Variants in ARHGAP6 observed in about 807,000 individuals in gnomAD.
ARHGAP6 encodes the protein Rho GTPase activating protein 6.
In ARHGAP6, 16 loss-of-function variants were observed where a neutral mutation model predicts 55.7. That is an observed-to-expected ratio of 0.29 (90% CI 0.19 to 0.44). ARHGAP6 has a LOEUF of 0.44. ARHGAP6 is among the 20% of genes least tolerant of loss of function. The pLI, the probability that ARHGAP6 is intolerant of heterozygous loss-of-function variation, is 1.00. For missense variants in ARHGAP6, 698 were observed against 808.9 expected, an observed-to-expected ratio of 0.86 and a Z score of 1.66; for synonymous variants, 382 against 360.9, an observed-to-expected ratio of 1.06 and a Z score of -0.66.
intron 1 of ARHGAP6, among the ~76,000 whole-genome samples, chrX:11,343,396 T>C (rs1168259906): frequency 8.9e-6 from 1 of 112,426 alleles, no homozygotes; most frequent in Non-Finnish European, 1.9e-5. Context: ...CTGTCCTGAT[T>C]GTAACTATAG....
intron 1 of ARHGAP6, among the ~76,000 whole-genome samples, chrX:11,503,244 T>C: frequency 9.0e-6 from 1 of 111,361 alleles, no homozygotes; most frequent in Middle Eastern, 4.6e-3. Context: ...TAACCCCTCA[T>C]TGTTCAAGGA....
intron 1 of ARHGAP6, among the ~76,000 whole-genome samples, chrX:11,461,384 T>C (rs1009094178): frequency 9.0e-6 from 1 of 111,545 alleles, no homozygotes; most frequent in Non-Finnish European, 1.9e-5. Flanking sequence ...AGGGGCAAGA[T>C]CACACAGAGT....
chrX:11,290,914 G>A (rs777654066), intron 1 of ARHGAP6, among the ~76,000 whole-genome samples: 3 of 112,013 alleles, frequency 2.7e-5, no homozygotes, highest in African/African-American at 9.7e-5. Context: ...TTCAGTTCAC[G>A]CATACTTTTA....
chrX:11,603,133 G>A (rs1343620129), intron 1 of ARHGAP6, among the ~76,000 whole-genome samples: 1 of 111,707 alleles, frequency 9.0e-6, no homozygotes, highest in Non-Finnish European at 1.9e-5. Context: ...TTTCTGCCCT[G>A]GAAAGTAGCA....
At position 11,665,908 on chromosome X, in the gene ARHGAP6, G is replaced by C. The variant is rs767446181; in HGVS notation, c.-1080C>G. 4.5e-5 allele frequency among the ~76,000 whole-genome samples: 5 copies of C among 111,698 alleles called. No homozygotes were observed. Among genetic ancestry groups the C allele is most frequent in the African/African-American group, 1.6e-4 (5 of 30,723 alleles). ...GAAGGCAGCTCGCCACTGATACCGG[G>C]TCTCCTGGGGAGAAAGTCGTGAGGA... On this transcript the variant is annotated 5_prime_UTR_variant, in exon 1 of 13. Coordinates refer to ENST00000337414, the MANE Select transcript of ARHGAP6 (RefSeq NM_013427.3).
chrX:11,477,754 C>T (rs1431066889), intron 1 of ARHGAP6, among the ~76,000 whole-genome samples: 1 of 111,849 alleles, frequency 8.9e-6, no homozygotes, highest in Non-Finnish European at 1.9e-5. Flanking sequence ...CCAAAAAATA[C>T]ACATACAATA....
chrX:11,404,629 T>G (rs1170203812), intron 1 of ARHGAP6, among the ~76,000 whole-genome samples: 1 of 111,821 alleles, frequency 8.9e-6, no homozygotes, highest in Non-Finnish European at 1.9e-5. Context: ...GTTATAAATG[T>G]TTTTCTAATC....
intron 1 of ARHGAP6, among the ~76,000 whole-genome samples, chrX:11,640,761 TG>T (rs2052466152): frequency 9.0e-6 from 1 of 111,614 alleles, no homozygotes; most frequent in African/African-American, 3.2e-5. Flanking sequence ...CATTCTGTTC[TG>T]TCTACCTCCA....
At chrX:11,293,200 G>T (rs935971760) in intron 1 of ARHGAP6, among the ~76,000 whole-genome samples, 12 of 112,490 alleles carry the variant, frequency 1.1e-4, no homozygotes, top group Non-Finnish European at 2.1e-4. Flanking sequence ...ATAGCGTGAT[G>T]AAACTCTTTG....
chrX:11,532,250 G>T (rs2051057935), intron 1 of ARHGAP6, among the ~76,000 whole-genome samples: 1 of 112,606 alleles, frequency 8.9e-6, no homozygotes, highest in Non-Finnish European at 1.9e-5. Context: ...GTCTTAAAGT[G>T]GATATGTTCA....
intron 1 of ARHGAP6, among the ~76,000 whole-genome samples, chrX:11,354,693 T>G (rs1250339700): frequency 9.0e-6 from 1 of 111,136 alleles, no homozygotes; most frequent in African/African-American, 3.3e-5. Context: ...GGAAACTTTG[T>G]GGATCAGACA....
chrX:11,496,686 TTCA>T (rs1248977229), intron 1 of ARHGAP6, among the ~76,000 whole-genome samples: 2 of 112,516 alleles, frequency 1.8e-5, no homozygotes, highest in Non-Finnish European at 3.8e-5. Context: ...GACCCAAGTC[TTCA>T]TTTTTTTTAA....
chrX:11,619,514 T>C (rs981578633), intron 1 of ARHGAP6, among the ~76,000 whole-genome samples: 1 of 112,493 alleles, frequency 8.9e-6, no homozygotes, highest in Non-Finnish European at 1.9e-5. Flanking sequence ...GATGACTCAA[T>C]GAAAAAGGGA....
chrX:11,496,390 T>A (rs756159591), intron 1 of ARHGAP6, among the ~76,000 whole-genome samples: 1 of 112,126 alleles, frequency 8.9e-6, no homozygotes, highest in Non-Finnish European at 1.9e-5. Flanking sequence ...AAGAATGAGC[T>A]ACTGCTTATT....
rs1174449401 is a variant in ARHGAP6 at position 11,354,327 on chromosome X, C to CTATATATA, written c.589-99628_589-99621dup. On this transcript the variant is annotated intron_variant, in intron 1 of 12. Transcript: ENST00000337414. Reference sequence around the variant, plus strand: ...TCTCTCTCTCTCTCTCTCTCTCTCTCTATATATATATATATATATATATAT... The same window carrying CTATATATA: ...TCTCTCTCTCTCTCTCTCTCTCTCTCTATATATATATATATATATATATATATATATAT... 5.5e-3 allele frequency among the ~76,000 whole-genome samples: 178 copies of CTATATATA among 32,334 alleles called. 1 individual carries two copies. Among genetic ancestry groups the CTATATATA allele is most frequent in the Non-Finnish European group, 6.1e-3 (118 of 19,250 alleles). The allele number at this position is 32,334 out of a possible 115,157, so 28.1% of individuals were successfully genotyped here.
intron 1 of ARHGAP6, among the ~76,000 whole-genome samples, chrX:11,430,562 C>T (rs1329124760): frequency 8.9e-6 from 1 of 111,924 alleles, no homozygotes; most frequent in Non-Finnish European, 1.9e-5. Flanking sequence ...TCTAAGAAGT[C>T]TGTTCAATCT....
intron 2 of ARHGAP6, among the ~76,000 whole-genome samples, chrX:11,208,715 T>C (rs1156361472): frequency 8.9e-6 from 1 of 111,972 alleles, no homozygotes; most frequent in African/African-American, 3.3e-5. Flanking sequence ...TGTATCAGTC[T>C]TGACCTCTGG....
At chrX:11,339,141 C>T in intron 1 of ARHGAP6, among the ~76,000 whole-genome samples, 1 of 112,291 alleles carries the variant, frequency 8.9e-6, no homozygotes, top group Non-Finnish European at 1.9e-5. Flanking sequence ...GAATCTCAGG[C>T]ACACTCCAGG....
chrX:11,353,716 C>T (rs1021402475), intron 1 of ARHGAP6, among the ~76,000 whole-genome samples: 4 of 110,129 alleles, frequency 3.6e-5, no homozygotes, highest in Non-Finnish European at 7.6e-5. Flanking sequence ...GCAAGTAGCC[C>T]AAATGAATTT....
Sources: allele counts gnomAD v4.1 joint callset (sites outside exome capture counted in the v4.1 genomes callset), GRCh38; gene constraint gnomAD v4.1.1; transcripts MANE v1.5; gene names NCBI Gene and HGNC (gene_info 2026-07-23, HGNC 2026-07-21).